The following FRMD4B variants were observed in gnomAD, a reference collection of about 807,000 sequenced individuals.
The protein encoded by FRMD4B is FERM domain containing 4B.
Under a neutral mutation model 141.5 loss-of-function variants are expected in FRMD4B, and 74 were observed. That is an observed-to-expected ratio of 0.52 (90% CI 0.43 to 0.63). The LOEUF (loss-of-function observed/expected upper bound fraction) is 0.63, where lower values mean the gene tolerates loss of function less well. Ranked by LOEUF, FRMD4B falls within the 30% of genes least tolerant of loss-of-function variation. The pLI is 0.00. For synonymous variants in FRMD4B, 506 were observed against 467.9 expected, an observed-to-expected ratio of 1.08 and a Z score of -1.05; for missense variants, 1,366 against 1,253.4, an observed-to-expected ratio of 1.09 and a Z score of -1.36.
chr3:69,275,920 A>G (rs1023680634), intron 5 of FRMD4B, among the ~76,000 whole-genome samples: 6 of 152,162 alleles, frequency 3.9e-5, no homozygotes, highest in Non-Finnish European at 8.8e-5. Flanking sequence ...CTATATTTTT[A>G]TATTTCTTCC....
intron 1 of FRMD4B, among the ~76,000 whole-genome samples, chr3:69,374,111 T>C (rs1223752493): frequency 6.6e-6 from 1 of 152,234 alleles, no homozygotes; most frequent in African/African-American, 2.4e-5. Context: ...TCTAGCATGA[T>C]AACTTTTGGC....
At chr3:69,187,653 A>G (rs2092784642) in intron 19 of FRMD4B, 117 bp downstream of exon 19, 2 of 937,672 alleles carry the variant, frequency 2.1e-6, no homozygotes, top group Non-Finnish European at 3.1e-6. Context: ...TTACAAGATA[A>G]CATCTTTTGG....
chr3:69,536,803 A>G (rs970218187), intron 1 of FRMD4B: 7 of 420,564 alleles, frequency 1.7e-5, no homozygotes, highest in African/African-American at 1.4e-4. Flanking sequence ...CTGGAGTGCA[A>G]TGGCACTATC....
chr3:69,279,258 C>G (rs1025986586), intron 5 of FRMD4B, among the ~76,000 whole-genome samples: 1 of 152,182 alleles, frequency 6.6e-6, no homozygotes, highest in Admixed American at 6.5e-5. Flanking sequence ...TGAAGACAGA[C>G]AAATACGGTT....
intron 1 of FRMD4B, among the ~76,000 whole-genome samples, chr3:69,462,701 G>C (rs956371516): frequency 2.0e-5 from 3 of 152,200 alleles, no homozygotes; most frequent in Non-Finnish European, 4.4e-5. Flanking sequence ...CTTGTTTCTG[G>C]CCTGAGAGGC....
At chr3:69,299,917 A>G (rs911657717) in intron 4 of FRMD4B, among the ~76,000 whole-genome samples, 31 of 152,188 alleles carry the variant, frequency 2.0e-4, no homozygotes, top group African/African-American at 7.2e-4. Flanking sequence ...CCCAATCTCA[A>G]AAGAGGTCCC....
chr3:69,378,806 T>TA (rs960209156), intron 1 of FRMD4B, among the ~76,000 whole-genome samples: 2,935 of 143,788 alleles, frequency 0.02, 86 homozygotes, highest in African/African-American at 0.067. Context: ...TCATCAAGGT[T>TA]AAAAAAAAAA....
chr3:69,314,680 C>G (rs114223850), intron 1 of FRMD4B, among the ~76,000 whole-genome samples: 2,127 of 151,810 alleles, frequency 0.014, 26 homozygotes, highest in Non-Finnish European at 0.021. Context: ...ACAAAAAATA[C>G]AAAAATTAGC....
chr3:69,243,809 G>A (rs149293421), intron 7 of FRMD4B, among the ~76,000 whole-genome samples: 1 of 152,170 alleles, frequency 6.6e-6, no homozygotes, highest in Non-Finnish European at 1.5e-5. Flanking sequence ...ACTTTGGGAG[G>A]CCTAGACGGG....
In FRMD4B at chr3:69,335,368, T is replaced by C. The variant is rs565626222; in HGVS notation, c.163-21851A>G. ...GTTGCATAACTTTTTTTTTTCATTA[T>C]TGCATTTTTTTTTTTTTTTTCCGAG... On this transcript the variant is annotated intron_variant, in intron 1 of 22. Transcript: ENST00000398540. Among the ~76,000 whole-genome samples, 635 of 121,346 alleles carry C rather than the reference T, an allele frequency of 5.2e-3. 4 individuals are homozygous for C. The highest frequency in any genetic ancestry group is 0.017 in the African/African-American group (567 of 33,808). The allele number at this position is 121,346 out of a possible 152,430, so 79.6% of individuals were successfully genotyped here. A position where few individuals can be genotyped will look rare whatever the true frequency, so the allele number is the denominator to read the frequency against.
chr3:69,295,839 CA>C, intron 4 of FRMD4B, among the ~76,000 whole-genome samples: 1 of 152,164 alleles, frequency 6.6e-6, no homozygotes, highest in East Asian at 1.9e-4. Flanking sequence ...CTTTTGGAGA[CA>C]GGGTCTTGCT....
intron 1 of FRMD4B, among the ~76,000 whole-genome samples, chr3:69,337,037 G>A (rs1003523235): frequency 3.9e-5 from 6 of 152,106 alleles, no homozygotes; most frequent in African/African-American, 9.7e-5. Context: ...GTGGCACCAC[G>A]CTACCTGACT....
At chr3:69,208,532 C>T (rs2093046004) in intron 11 of FRMD4B, among the ~76,000 whole-genome samples, 1 of 146,212 alleles carries the variant, frequency 6.8e-6, no homozygotes, top group African/African-American at 2.4e-5. Flanking sequence ...TATCTCCTTC[C>T]CATCGGCATA....
intron 1 of FRMD4B, among the ~76,000 whole-genome samples, chr3:69,479,335 T>C (rs929178520): frequency 1.3e-5 from 2 of 152,054 alleles, no homozygotes; most frequent in African/African-American, 2.4e-5. Flanking sequence ...GATTTTGCAG[T>C]GGCTGGTACC....
At chr3:69,458,445 G>A (rs1280828572) in intron 1 of FRMD4B, among the ~76,000 whole-genome samples, 2 of 152,180 alleles carry the variant, frequency 1.3e-5, no homozygotes, top group Admixed American at 6.5e-5. Context: ...TTTCTGAGAA[G>A]ACAACATTTA....
At chr3:69,440,301 T>G (rs143616885) in intron 1 of FRMD4B, among the ~76,000 whole-genome samples, 4,334 of 152,314 alleles carry the variant, frequency 0.028, 80 homozygotes, top group Non-Finnish European at 0.044. Context: ...ACCATTTACT[T>G]TTGATACTGT....
intron 5 of FRMD4B, among the ~76,000 whole-genome samples, chr3:69,284,736 G>A (rs4855378): frequency 0.96 from 146,341 of 152,312 alleles, 70,570 homozygotes; most frequent in East Asian, 1. Context: ...AAAAATACCC[G>A]GAACTGACAC....
chr3:69,203,894 C>A (rs1284581668), intron 11 of FRMD4B, among the ~76,000 whole-genome samples: 1 of 152,220 alleles, frequency 6.6e-6, no homozygotes, highest in Non-Finnish European at 1.5e-5. Flanking sequence ...CTGGATCCCA[C>A]ATCTTTCCAT....
chr3:69,526,635 G>C (rs779345425), intron 1 of FRMD4B, among the ~76,000 whole-genome samples: 1 of 152,084 alleles, frequency 6.6e-6, no homozygotes, highest in South Asian at 2.1e-4. Flanking sequence ...CCATTTTCTG[G>C]TCTATTAAAT....
Sources: allele counts gnomAD v4.1 joint callset (sites outside exome capture counted in the v4.1 genomes callset), GRCh38; gene constraint gnomAD v4.1.1; transcripts MANE v1.5; gene names NCBI Gene and HGNC (gene_info 2026-07-23, HGNC 2026-07-21).